The following RABGAP1L variants were observed in gnomAD, a reference collection of about 807,000 sequenced individuals.
RABGAP1L encodes the protein rab GTPase-activating protein 1-like.
Under a neutral mutation model 137.7 loss-of-function variants are expected in RABGAP1L, and 63 were observed. The observed-to-expected ratio is 0.46, with a 90% CI of 0.37 to 0.56. The LOEUF (loss-of-function observed/expected upper bound fraction) is 0.56, where lower values mean the gene tolerates loss of function less well. Among genes scored for constraint, RABGAP1L ranks in the 20% least tolerant of loss-of-function variants. The probability of loss-of-function intolerance (pLI) is 0.00; values close to 1 mark genes in which losing one functional copy is unlikely to be tolerated. For synonymous variants in RABGAP1L, 431 were observed against 433.7 expected, an observed-to-expected ratio of 0.99 and a Z score of 0.08; for missense variants, 1,095 against 1,244.0, an observed-to-expected ratio of 0.88 and a Z score of 1.80.
rs574237832 is a variant in RABGAP1L, at chr1:174,231,156, C to A, written c.343C>A (p.Pro115Thr). Residue 115 changes from proline (P) to threonine (T), a missense_variant, in exon 4 of 26, where the codon CCC becomes ACC. Pro to Thr is a conservative substitution (Grantham distance 38, BLOSUM62 -1). This residue lies in a region of RABGAP1L where 356 missense variants were observed against 326.3 expected (regional missense o/e 1.09). Transcript: ENST00000681986. ...LDPSNTEIST[P>T]RPSSPGGLPE... ...TTTTGTTTCTTCAGAAATTTCTACACCCAGACCATCTTCTCCAGGTGGACT... is the reference window on the plus strand; with the variant it reads ...TTTTGTTTCTTCAGAAATTTCTACAACCAGACCATCTTCTCCAGGTGGACT... 6.2e-7 allele frequency: 1 copy of A among 1,610,250 alleles called. No individual in the cohort carries two copies. Among genetic ancestry groups the A allele is most frequent in the Non-Finnish European group, 8.5e-7 (1 of 1,177,614 alleles).
chr1:174,467,805 A>G (rs1033114510), intron 13 of RABGAP1L, among the ~76,000 whole-genome samples: 1 of 152,114 alleles, frequency 6.6e-6, no homozygotes, highest in African/African-American at 2.4e-5. Flanking sequence ...CTCCCCTACT[A>G]TTTGGCAGTT....
At chr1:174,605,006 T>C (rs1351219152) in intron 13 of RABGAP1L, among the ~76,000 whole-genome samples, 3 of 152,152 alleles carry the variant, frequency 2.0e-5, no homozygotes, top group Non-Finnish European at 4.4e-5. Flanking sequence ...CTGGGCGTGG[T>C]GGCACATACC....
chr1:174,514,292 G>T, intron 13 of RABGAP1L, among the ~76,000 whole-genome samples: 1 of 148,738 alleles, frequency 6.7e-6, no homozygotes, highest in Non-Finnish European at 1.5e-5. Flanking sequence ...TCTTCGTGTT[G>T]GTAGGATTCG....
chr1:174,617,226 A>G (rs80275667), intron 13 of RABGAP1L, among the ~76,000 whole-genome samples: 1,654 of 152,332 alleles, frequency 0.011, 31 homozygotes, highest in African/African-American at 0.038. Flanking sequence ...AAAGGGATTA[A>G]TCAAGTTTCA....
At chr1:174,635,263 A>G (rs1380159336) in intron 13 of RABGAP1L, among the ~76,000 whole-genome samples, 1 of 152,210 alleles carries the variant, frequency 6.6e-6, no homozygotes, top group Admixed American at 6.5e-5. Context: ...AAGTACAAAA[A>G]GAGTTATCCT....
intron 10 of RABGAP1L, among the ~76,000 whole-genome samples, chr1:174,295,597 G>T (rs1677057579): frequency 2.0e-5 from 3 of 151,558 alleles, no homozygotes; most frequent in Admixed American, 1.3e-4. Flanking sequence ...TGTTGGCCAG[G>T]CTGGTCTCAA....
chr1:174,769,176 T>C (rs554496837), intron 18 of RABGAP1L, among the ~76,000 whole-genome samples: 1 of 152,210 alleles, frequency 6.6e-6, no homozygotes, highest in African/African-American at 2.4e-5. Flanking sequence ...ATCAGTCTCA[T>C]TGAAGGTTAG....
intron 7 of RABGAP1L, among the ~76,000 whole-genome samples, chr1:174,255,713 AT>A (rs1210327270): frequency 6.6e-6 from 1 of 152,120 alleles, no homozygotes; most frequent in Non-Finnish European, 1.5e-5. Context: ...TTTAGTAGTG[AT>A]GGGGTTTCAC....
At chr1:174,637,274 G>A (rs1458260863) in intron 13 of RABGAP1L, 101 bp from the exon 14 acceptor site, 8 of 778,952 alleles carry the variant, frequency 1.0e-5, no homozygotes, top group Admixed American at 7.6e-5. Flanking sequence ...TTTTTCTGTT[G>A]TTTACTTTTC....
intron 18 of RABGAP1L, among the ~76,000 whole-genome samples, chr1:174,784,140 C>T (rs1471486459): frequency 6.6e-6 from 1 of 150,822 alleles, no homozygotes; most frequent in African/African-American, 2.4e-5. Context: ...CCGCCTCAGC[C>T]TCCCGAGTAG....
intron 19 of RABGAP1L, among the ~76,000 whole-genome samples, chr1:174,863,280 T>C (rs1650604224): frequency 6.7e-6 from 1 of 148,536 alleles, no homozygotes; most frequent in African/African-American, 2.5e-5. Flanking sequence ...GAACTTCTTT[T>C]TTCTCCCTTC....
chr1:174,315,622 C>CTTTTTTTTTTTT (rs35771793), intron 11 of RABGAP1L, among the ~76,000 whole-genome samples: 1 of 132,712 alleles, frequency 7.5e-6, no homozygotes, highest in African/African-American at 2.7e-5. Context: ...CATTTCTTGC[C>CTTTTTTTTTTTT]TTTTTTTTTT....
At chr1:174,174,715 G>A (rs1665693912) in intron 1 of RABGAP1L, among the ~76,000 whole-genome samples, 1 of 152,192 alleles carries the variant, frequency 6.6e-6, no homozygotes, top group African/African-American at 2.4e-5. Context: ...AAGTTCTGAG[G>A]TCAGAGGGCA....
intron 19 of RABGAP1L, chr1:174,945,925 A>T (rs1558265822): frequency 6.6e-6 from 1 of 152,026 alleles, no homozygotes; most frequent in East Asian, 1.9e-4. Context: ...TATTATTTTC[A>T]GTCTGCCCCC....
intron 13 of RABGAP1L, among the ~76,000 whole-genome samples, chr1:174,408,978 G>A (rs1208917752): frequency 2.0e-5 from 3 of 152,056 alleles, no homozygotes; most frequent in South Asian, 2.1e-4. Flanking sequence ...TGTCAGATAC[G>A]TAGTTTCTGA....
chr1:174,438,396 G>T (rs1028092148), intron 13 of RABGAP1L, among the ~76,000 whole-genome samples: 1 of 151,994 alleles, frequency 6.6e-6, no homozygotes, highest in African/African-American at 2.4e-5. Flanking sequence ...AAAAATTGAC[G>T]TTCTTAACAA....
intron 19 of RABGAP1L, among the ~76,000 whole-genome samples, chr1:174,930,742 C>T (rs1169717936): frequency 1.3e-5 from 2 of 152,158 alleles, no homozygotes; most frequent in African/African-American, 2.4e-5. Flanking sequence ...TTATATCTCC[C>T]CCATCTTTTT....
In RABGAP1L at chr1:174,511,569, A is replaced by G. The variant is rs914936715; in HGVS notation, c.1710+117424A>G. ...ATTTGATTTAATTTTGACTCTATCA[A>G]TCTATGCCCTGGTTAAAACTAATTC... On this transcript the variant is annotated intron_variant, in intron 13 of 25. Transcript: ENST00000681986. Among the ~76,000 whole-genome samples, 11 of 150,788 alleles carry G rather than the reference A, an allele frequency of 7.3e-5. 1 individual carries two copies. In the South Asian group the frequency reaches 1.0e-3, roughly 14 times the overall value.
At chr1:174,509,211 T>C (rs927045294) in intron 13 of RABGAP1L, among the ~76,000 whole-genome samples, 3 of 152,186 alleles carry the variant, frequency 2.0e-5, no homozygotes, top group African/African-American at 7.2e-5. Flanking sequence ...ATAAAATCTG[T>C]GTAATCAAAC....
Sources: gnomAD v4.1 joint callset for allele counts (sites outside exome capture counted in the v4.1 genomes callset) on GRCh38, gnomAD v4.1.1 for gene constraint, gnomAD v4.1.1 regional missense constraint, MANE v1.5 for transcripts, NCBI Gene and HGNC (gene_info 2026-07-23, HGNC 2026-07-21) for gene names.